The following PLSCR2 variants were observed in gnomAD, a reference collection of about 807,000 sequenced individuals.
PLSCR2 encodes PL scramblase 2.
PLSCR2 carries 18 observed loss-of-function variants against 25.3 expected under a neutral mutation model. The ratio of observed to expected loss-of-function variants is 0.71; its 90% CI spans 0.49 to 1.06. The LOEUF is 1.06. PLSCR2 is among the 50% of genes least tolerant of loss of function. The pLI, the probability that PLSCR2 is intolerant of heterozygous loss-of-function variation, is 0.00. For missense variants in PLSCR2, 243 were observed against 269.5 expected (o/e 0.90, Z 0.69); for synonymous variants, 88 against 87.3 (o/e 1.01, Z -0.04).
At chr3:146,433,506 A>C in exon 9 of PLSCR2, 1 of 152,198 alleles carries the variant, frequency 6.6e-6, no homozygotes, top group East Asian at 1.9e-4. Flanking sequence ...GCCTAGCCAA[A>C]GATCCGGAAT....
chr3:146,481,212 A>G (rs2043117747), intron 1 of PLSCR2, among the ~76,000 whole-genome samples: 1 of 152,228 alleles, frequency 6.6e-6, no homozygotes. Flanking sequence ...TATTCAATAT[A>G]GTGTTGGAAG....
exon 4 of PLSCR2, chr3:146,455,447 A>G: frequency 6.3e-7 from 1 of 1,598,830 alleles, no homozygotes. Context: ...ACTACTTTCA[A>G]AACTGAATAG....
At chr3:146,428,635 T>A (rs1190746390), downstream of PLSCR2, among the ~76,000 whole-genome samples, 1 of 152,194 alleles carries the variant, frequency 6.6e-6, no homozygotes, top group Non-Finnish European at 1.5e-5. Context: ...ATGTTTCATC[T>A]GGTTTTAGGG....
At chr3:146,406,885 T>C (rs1029598135) in intron 2 of PLSCR2, among the ~76,000 whole-genome samples, 3 of 152,158 alleles carry the variant, frequency 2.0e-5, no homozygotes, top group African/African-American at 7.2e-5. Context: ...TGGATTGGGA[T>C]GGGTTCCTCG....
At chr3:146,443,851 G>A (rs2040394339) in intron 6 of PLSCR2, among the ~76,000 whole-genome samples, 1 of 151,382 alleles carries the variant, frequency 6.6e-6, no homozygotes, top group African/African-American at 2.4e-5. Flanking sequence ...TTCATTGTTA[G>A]GTTATTTATT....
At chr3:146,439,759 C>A (rs1198460378), downstream of PLSCR2, among the ~76,000 whole-genome samples, 6 of 152,178 alleles carry the variant, frequency 3.9e-5, no homozygotes, top group Non-Finnish European at 7.3e-5. Context: ...TTATCTGAAG[C>A]CTTCTTCTCT....
chr3:146,429,867 C>T (rs879598444), downstream of PLSCR2, among the ~76,000 whole-genome samples: 13 of 152,158 alleles, frequency 8.5e-5, no homozygotes, highest in South Asian at 6.2e-4. Context: ...CCGTGTGATC[C>T]GCCCACCTTG....
chr3:146,469,782 C>A (rs879329204), intron 1 of PLSCR2, among the ~76,000 whole-genome samples: 1,141 of 103,388 alleles, frequency 0.011, 50 homozygotes, highest in Admixed American at 0.1. Flanking sequence ...CTGCACCCAC[C>A]CCCCCACGCC....
upstream of PLSCR2, among the ~76,000 whole-genome samples, chr3:146,461,124 T>C (rs1247950134): frequency 6.6e-6 from 1 of 152,234 alleles, no homozygotes; most frequent in Non-Finnish European, 1.5e-5. Context: ...ATTGCAATGA[T>C]GCTTCATAAG....
chr3:146,413,543 G>T (rs1052003384), intron 2 of PLSCR2, among the ~76,000 whole-genome samples: 1 of 151,998 alleles, frequency 6.6e-6, no homozygotes, highest in Non-Finnish European at 1.5e-5. Context: ...CTTAAATTCT[G>T]CCTTCCCTAA....
intron 6 of PLSCR2, 70 bp from the exon 7 acceptor site, chr3:146,441,891 G>C (rs902689478): frequency 1.1e-6 from 1 of 934,066 alleles, no homozygotes; most frequent in African/African-American, 1.7e-5. Context: ...GAAATGCTAA[G>C]GGATCTGATG....
intron 2 of PLSCR2, among the ~76,000 whole-genome samples, chr3:146,422,119 A>G (rs1326830801): frequency 6.6e-6 from 1 of 152,000 alleles, no homozygotes; most frequent in Non-Finnish European, 1.5e-5. Context: ...ACCTTTTTCT[A>G]CCCATTCTGG....
chr3:146,410,717 CAAT>C (rs1227819901), intron 2 of PLSCR2, among the ~76,000 whole-genome samples: 1 of 152,200 alleles, frequency 6.6e-6, no homozygotes, highest in Non-Finnish European at 1.5e-5. Flanking sequence ...CCGAACAAAA[CAAT>C]AAACATAAAA....
At chr3:146,478,287 T>C (rs992329187) in intron 1 of PLSCR2, among the ~76,000 whole-genome samples, 1 of 152,092 alleles carries the variant, frequency 6.6e-6, no homozygotes, top group African/African-American at 2.4e-5. Context: ...ATAACAAACT[T>C]CTCTGAGCTA....
intron 2 of PLSCR2, among the ~76,000 whole-genome samples, chr3:146,421,485 G>A (rs2039148662): frequency 6.6e-6 from 1 of 151,906 alleles, no homozygotes; most frequent in Non-Finnish European, 1.5e-5. Flanking sequence ...ATAAACAAAG[G>A]GCAGTTGTCA....
chr3:146,481,598 G>T (rs932407213), intron 1 of PLSCR2, among the ~76,000 whole-genome samples: 2 of 152,112 alleles, frequency 1.3e-5, no homozygotes, highest in Non-Finnish European at 2.9e-5. Context: ...ACAAATGGAA[G>T]AACATTCCAT....
chr3:146,475,303 G>T (rs2042247912), intron 1 of PLSCR2, among the ~76,000 whole-genome samples: 1 of 152,002 alleles, frequency 6.6e-6, no homozygotes, highest in Admixed American at 6.6e-5. Flanking sequence ...CTTTGAGGCT[G>T]CTGACCCTTG....
chr3:146,441,721 A>G, downstream of PLSCR2: 1 of 1,051,562 alleles, frequency 9.5e-7, no homozygotes. Context: ...AGATAATCCT[A>G]ATCAACACAG....
intron 1 of PLSCR2, among the ~76,000 whole-genome samples, chr3:146,477,418 G>A (rs2042326847): frequency 6.6e-6 from 1 of 152,222 alleles, no homozygotes; most frequent in African/African-American, 2.4e-5. Flanking sequence ...GCAACCAGCA[G>A]ACTAGGAAAT....
Sources: allele counts gnomAD v4.1 joint callset (sites outside exome capture counted in the v4.1 genomes callset), GRCh38; gene constraint gnomAD v4.1.1; transcripts MANE v1.5; gene names NCBI Gene and HGNC (gene_info 2026-07-23, HGNC 2026-07-21).